Variants in SF1 observed in about 807,000 individuals in gnomAD.
The protein encoded by SF1 is splicing factor 1.
In SF1, 7 loss-of-function variants were observed where a neutral mutation model predicts 62.5. That is an observed-to-expected ratio of 0.11 (90% CI 0.06 to 0.21). The LOEUF (loss-of-function observed/expected upper bound fraction) is 0.21. SF1 is among the 10% of genes least tolerant of loss of function. The probability of loss-of-function intolerance (pLI) is 1.00; values close to 1 mark genes in which losing one functional copy is unlikely to be tolerated. For missense variants in SF1, 578 were observed against 884.0 expected, an observed-to-expected ratio of 0.65 and a Z score of 4.39; for synonymous variants, 394 against 323.6, an observed-to-expected ratio of 1.22 and a Z score of -2.33.
chr11:64,774,388 A>C, intron 2 of SF1, among the ~76,000 whole-genome samples: 1 of 152,200 alleles, frequency 6.6e-6, no homozygotes, highest in Admixed American at 6.5e-5. Context: ...GAAATGTTAC[A>C]CAGCTGATTT....
intron 3 of SF1, among the ~76,000 whole-genome samples, chr11:64,771,006 GGCCCAGGA>G: frequency 6.6e-6 from 1 of 152,208 alleles, no homozygotes; most frequent in Admixed American, 6.5e-5. Context: ...CTGTGTCCAA[GGCCCAGGA>G]GACAACCTGT....
intron 8 of SF1, among the ~76,000 whole-genome samples, chr11:64,768,780 T>C (rs1270811285): frequency 2.0e-5 from 3 of 152,258 alleles, no homozygotes; most frequent in African/African-American, 7.2e-5. Flanking sequence ...AATTTCCTAT[T>C]GAGCCCCAGT....
At chr11:64,775,219 A>G (rs1938997213) in intron 2 of SF1, among the ~76,000 whole-genome samples, 1 of 152,158 alleles carries the variant, frequency 6.6e-6, no homozygotes, top group East Asian at 1.9e-4. Flanking sequence ...GTGGAGAACT[A>G]CACCTCTCCT....
chr11:64,767,417 G>C (rs751353176), intron 10 of SF1, 154 bp downstream of exon 10: 17 of 1,034,224 alleles, frequency 1.6e-5, no homozygotes, highest in African/African-American at 4.7e-5. Flanking sequence ...AACCAGAATG[G>C]AGTCTTGCTC....
At position 64,765,946 on chromosome 11, in the gene SF1, C is replaced by A; in HGVS notation, c.1792G>T (p.Ala598Ser). The A allele has an allele frequency of 6.6e-7, 1 of 1,508,692 alleles. No individual in the cohort carries two copies. The highest frequency in any genetic ancestry group is 2.6e-5 in the East Asian group (1 of 38,896). 93.5% of individuals were successfully genotyped at this position (1,508,692 alleles called of 1,614,324 possible). The change falls in exon 13 of 13, where the codon GCC (alanine) becomes TCC (serine). Residue 598 changes from alanine (A) to serine (S), a missense_variant. This residue lies in a region of SF1 where 410 missense variants were observed against 452.4 expected (regional missense o/e 0.91). Transcript: ENST00000377390. Reference sequence around the variant, plus strand: ...GGAGGCGGAGGAGGAGGGGGCGGGGCATACATCATGCCGGCGGAACCAGGC... The same window carrying A: ...GGAGGCGGAGGAGGAGGGGGCGGGGAATACATCATGCCGGCGGAACCAGGC... ...PPPGSAGMMY[A>S]PPPPPPPPMD...
intron 8 of SF1, 44 bp downstream of exon 8, chr11:64,768,978 G>C: frequency 7.5e-7 from 1 of 1,326,344 alleles, no homozygotes; most frequent in Middle Eastern, 1.9e-4. Flanking sequence ...AAGTTGTCCT[G>C]CACATCGCAG....
Position 64,778,351 on chromosome 11 carries a change from G to C in SF1, c.31+11C>G, listed in dbSNP as rs1278224251. ...CGGGGAGCGGGGGCAGCCCGGGGGG[G>C]CCCAGCTTACCCAACGGCGTGGCGT... On this transcript the variant is annotated intron_variant, in intron 1 of 12. Coordinates refer to ENST00000377390, the MANE Select transcript of SF1 (RefSeq NM_004630.4). The C allele has an allele frequency of 2.0e-5, 25 of 1,226,936 alleles. No homozygotes were observed. Among genetic ancestry groups the C allele is most frequent in the Non-Finnish European group, 2.5e-5 (25 of 984,078 alleles). 76.0% of individuals were successfully genotyped at this position (1,226,936 alleles called of 1,614,324 possible). A position where few individuals can be genotyped will look rare whatever the true frequency, so the allele number is the denominator to read the frequency against.
Position 64,767,874 on chromosome 11 carries a change from C to G in SF1, c.1069-30G>C, listed in dbSNP as rs747143260. The stretch of plus-strand genomic sequence containing the variant: ...GTGAGAGCATTTCCTGCCAACGTCC[C>G]TGCCTGCGCCTCCTAGTGGCAACAT... On this transcript the variant is annotated intron_variant, in intron 9 of 12. Coordinates refer to ENST00000377390, the MANE Select transcript of SF1 (RefSeq NM_004630.4). 1.9e-6 allele frequency: 3 copies of G among 1,602,248 alleles called. No individual in the cohort carries two copies. In the Admixed American group the frequency reaches 5.4e-5, roughly 29 times the overall value.
intron 1 of SF1, chr11:64,777,826 T>G (rs984573008): frequency 1.1e-5 from 10 of 907,928 alleles, no homozygotes; most frequent in Non-Finnish European, 1.3e-5. Flanking sequence ...CTCGAGGCCC[T>G]AGAACCAGGC....
chr11:64,778,366 C>T lies in SF1; in HGVS notation c.27G>A (p.Pro9=). Residue 9 remains proline (P), a synonymous_variant, in exon 1 of 13, where the codon CCG becomes CCA. Transcript: ENST00000377390. The part of the protein sequence containing the change: MATGANAT[P]LDFPSKKRKR... ...GCCCGGGGGGGCCCAGCTTACCCAACGGCGTGGCGTTCGCTCCGGTCGCCA... is the reference window on the plus strand; with the variant it reads ...GCCCGGGGGGGCCCAGCTTACCCAATGGCGTGGCGTTCGCTCCGGTCGCCA... The T allele has an allele frequency of 1.6e-6, 2 of 1,227,344 alleles. No individual in the cohort carries two copies. The highest frequency in any genetic ancestry group is 2.0e-6 in the Non-Finnish European group (2 of 984,144). 76.0% of individuals were successfully genotyped at this position (1,227,344 alleles called of 1,614,324 possible).
chr11:64,769,219 A>G lies in SF1; in HGVS notation c.779+4T>C, dbSNP rs776822309. 6.2e-7 allele frequency: 1 copy of G among 1,613,564 alleles called. No individual in the cohort carries two copies. Among genetic ancestry groups the G allele is most frequent in the Non-Finnish European group, 8.5e-7 (1 of 1,179,464 alleles). On this transcript the variant is annotated splice_donor_region_variant and intron_variant, in intron 7 of 12. Coordinates refer to ENST00000377390, the MANE Select transcript of SF1 (RefSeq NM_004630.4). The stretch of plus-strand genomic sequence containing the variant: ...CTACACTCTCCTTTAAACTGATCAC[A>G]TACCTGTTATCGTCTTCCCGAAGGG...
rs199902591 is a variant in SF1 at position 64,776,622 on chromosome 11, G to T, written c.36C>A (p.Phe12Leu). ...GGCTCCTCTTCCGCTTCTTACTTGG[G>T]AAGTCTAAAAGGCAGAGACAAAATC... ...ATGANATPLD[F>L]PSKKRKRSRW... is the part of the protein sequence containing the mutation. Residue 12 changes from phenylalanine to leucine, a missense_variant, in exon 2 of 13, where the codon TTC (phenylalanine) becomes TTA (leucine). Phe to Leu is a conservative substitution (Grantham distance 22). Transcript: ENST00000377390. 2 of 1,601,690 alleles carry T rather than the reference G, an allele frequency of 1.2e-6. No individual in the cohort carries two copies. The highest frequency in any genetic ancestry group is 2.2e-5 in the East Asian group (1 of 44,680).
rs755621701 is a variant in SF1, at chr11:64,765,959, G to C, written c.1779C>G (p.Ala593=). Residue 593 remains alanine, a synonymous_variant, in exon 13 of 13, where the codon GCC becomes GCG. Coordinates refer to ENST00000377390, the MANE Select transcript of SF1 (RefSeq NM_004630.4). Reference sequence around the variant, plus strand: ...GAGGGGGCGGGGCATACATCATGCCGGCGGAACCAGGCGGTGGAGGCGGCG... The same window carrying C: ...GAGGGGGCGGGGCATACATCATGCCCGCGGAACCAGGCGGTGGAGGCGGCG... ...PPPPPPPPGS[A]GMMYAPPPPP... is the part of the protein sequence containing the mutation. The C allele has an allele frequency of 6.3e-7, 1 of 1,588,508 alleles. No individual in the cohort carries two copies. Among genetic ancestry groups the C allele is most frequent in the Non-Finnish European group, 8.6e-7 (1 of 1,167,306 alleles).
chr11:64,778,033 C>A (rs1735351798), intron 1 of SF1: 2 of 1,009,282 alleles, frequency 2.0e-6, no homozygotes, highest in Non-Finnish European at 2.4e-6. Flanking sequence ...TACGCGGCGG[C>A]TGGGGTGGCG....
At chr11:64,774,611 G>A (rs891887028) in intron 2 of SF1, among the ~76,000 whole-genome samples, 7 of 152,094 alleles carry the variant, frequency 4.6e-5, no homozygotes, top group Non-Finnish European at 4.4e-5. Context: ...CATCCACAGG[G>A]CTATACCACA....
Position 64,767,632 on chromosome 11 carries a change from T to C in SF1, c.1281A>G (p.Pro427=), listed in dbSNP as rs1441338683. The change falls in exon 10 of 13, where the codon CCA becomes CCG. Residue 427 remains proline, a synonymous_variant. Transcript: ENST00000377390. ...PNGPPPPWMQ[P]PPPPMNQGPH... is the part of the protein sequence containing the mutation. ...GGCCCTGGTTCATCGGTGGTGGTGG[T>C]GGCTGCATCCAAGGGGGTGGGGGTC... The C allele has an allele frequency of 1.9e-6, 3 of 1,591,962 alleles. No individual in the cohort carries two copies. The highest frequency in any genetic ancestry group is 2.6e-6 in the Non-Finnish European group (3 of 1,169,340).
intron 1 of SF1, chr11:64,777,884 G>T: frequency 1.1e-6 from 1 of 935,570 alleles, no homozygotes; most frequent in Non-Finnish European, 1.3e-6. Flanking sequence ...GTGCGCGCAC[G>T]CGCGCCCCTG....
chr11:64,775,392 G>A (rs1030879615), intron 2 of SF1, among the ~76,000 whole-genome samples: 1 of 152,210 alleles, frequency 6.6e-6, no homozygotes, highest in Non-Finnish European at 1.5e-5. Context: ...ATTTCACAAG[G>A]ATGTAAAGAC....
chr11:64,765,656 C>T lies in SF1; in HGVS notation c.*162G>A. 1 of 1,486,302 alleles carries T rather than the reference C, an allele frequency of 6.7e-7. No homozygotes were observed. 92.1% of individuals were successfully genotyped at this position (1,486,302 alleles called of 1,614,324 possible). ...ACCACCTGCCCGTTCCCAAGCGAAT[C>T]CTCAGTCGCTTGGCCCAGCCCAGTG... On this transcript the variant is annotated 3_prime_UTR_variant, in exon 13 of 13. Transcript: ENST00000377390.
Sources: allele counts gnomAD v4.1 joint callset (sites outside exome capture counted in the v4.1 genomes callset), GRCh38; gene constraint gnomAD v4.1.1; regional missense constraint gnomAD v4.1.1; transcripts MANE v1.5; gene names NCBI Gene and HGNC (gene_info 2026-07-23, HGNC 2026-07-21).